Variants in RGS6 observed in about 807,000 individuals in gnomAD.
The protein encoded by RGS6 is regulator of G-protein signaling 6.
Under a neutral mutation model 78.5 loss-of-function variants are expected in RGS6, and 30 were observed. That is an observed-to-expected ratio of 0.38 (90% CI 0.29 to 0.52). RGS6 has a LOEUF of 0.52. Ranked by LOEUF, RGS6 falls within the 20% of genes least tolerant of loss-of-function variation. The probability of loss-of-function intolerance (pLI) is 0.85; values close to 1 mark genes in which losing one functional copy is unlikely to be tolerated. For synonymous variants in RGS6, 206 were observed against 206.0 expected, an observed-to-expected ratio of 1.00 and a Z score of 0.00; for missense variants, 495 against 609.7, an observed-to-expected ratio of 0.81 and a Z score of 1.98.
intron 2 of RGS6, among the ~76,000 whole-genome samples, chr14:72,161,388 T>TA (rs878953450): frequency 1.1e-4 from 17 of 151,802 alleles, no homozygotes; most frequent in South Asian, 6.3e-4. Context: ...AGTATAATAA[T>TA]AAAAAAAAGC....
the RGS6 span, among the ~76,000 whole-genome samples, chr14:72,591,467 T>G: frequency 1.3e-5 from 2 of 152,328 alleles, no homozygotes; most frequent in Non-Finnish European, 2.9e-5. Flanking sequence ...AGAACTAAAT[T>G]TGATCTCTCT....
chr14:72,059,729 C>A (rs2093798743), intron 2 of RGS6, among the ~76,000 whole-genome samples: 1 of 151,978 alleles, frequency 6.6e-6, no homozygotes, highest in Admixed American at 6.6e-5. Flanking sequence ...ATGGTGGGAC[C>A]CTCTTGATGG....
intron 2 of RGS6, among the ~76,000 whole-genome samples, chr14:72,208,936 AAT>A (rs2043351190): frequency 1.0e-3 from 2 of 1,914 alleles, no homozygotes; most frequent in African/African-American, 1.6e-3. Flanking sequence ...TAAGAATATC[AAT>A]GAAATAAGAA....
intron 17 of RGS6, among the ~76,000 whole-genome samples, chr14:72,544,580 CTTGGAA>C (rs889289391): frequency 2.6e-5 from 4 of 152,148 alleles, no homozygotes; most frequent in African/African-American, 7.2e-5. Flanking sequence ...CAAGGTGCTC[CTTGGAA>C]TTGCGGCAGG....
At chr14:72,035,612 T>A (rs949190856) in intron 2 of RGS6, among the ~76,000 whole-genome samples, 1 of 152,176 alleles carries the variant, frequency 6.6e-6, no homozygotes, top group African/African-American at 2.4e-5. Flanking sequence ...ATAAAATTCC[T>A]TCCTAGTATT....
At chr14:72,369,477 C>T (rs550534604) in intron 3 of RGS6, among the ~76,000 whole-genome samples, 70 of 152,242 alleles carry the variant, frequency 4.6e-4, no homozygotes, top group African/African-American at 1.6e-3. Context: ...TGATTTGTTG[C>T]AGCAGCCATA....
the RGS6 span, among the ~76,000 whole-genome samples, chr14:72,578,132 C>T: frequency 6.6e-6 from 1 of 152,210 alleles, no homozygotes; most frequent in South Asian, 2.1e-4. Context: ...CCTGCTCTGA[C>T]CATTAGAACT....
intron 2 of RGS6, among the ~76,000 whole-genome samples, chr14:72,238,078 G>A (rs535521053): frequency 5.8e-4 from 89 of 152,288 alleles, no homozygotes; most frequent in African/African-American, 2.1e-3. Context: ...AAGGGAGCTG[G>A]AAAGGGGATG....
At chr14:72,175,707 G>A (rs923191326) in intron 2 of RGS6, among the ~76,000 whole-genome samples, 3 of 152,208 alleles carry the variant, frequency 2.0e-5, no homozygotes, top group Non-Finnish European at 2.9e-5. Context: ...CCTCAAGGGT[G>A]GGGACTGCGT....
At chr14:72,244,478 G>A (rs1296618097) in intron 2 of RGS6, among the ~76,000 whole-genome samples, 7 of 152,272 alleles carry the variant, frequency 4.6e-5, no homozygotes, top group East Asian at 1.9e-4. Context: ...GAGAAGGGAC[G>A]TGACTGCACC....
intron 2 of RGS6, among the ~76,000 whole-genome samples, chr14:71,995,608 G>C (rs1249417876): frequency 6.6e-6 from 1 of 152,180 alleles, no homozygotes; most frequent in Admixed American, 6.5e-5. Context: ...TCGCCTCATA[G>C]GGGTGTTGAG....
intron 3 of RGS6, among the ~76,000 whole-genome samples, chr14:72,408,979 A>G (rs1274514330): frequency 6.6e-6 from 1 of 152,222 alleles, no homozygotes; most frequent in African/African-American, 2.4e-5. Flanking sequence ...TGTAAAATAG[A>G]AAATGACTCT....
chr14:72,208,515 A>G (rs928796137), intron 2 of RGS6, among the ~76,000 whole-genome samples: 1 of 152,252 alleles, frequency 6.6e-6, no homozygotes, highest in Admixed American at 6.5e-5. Flanking sequence ...ATACCTTAGT[A>G]TAATGGTCTT....
chr14:72,349,170 A>T (rs1209564649), intron 2 of RGS6, among the ~76,000 whole-genome samples: 2 of 152,174 alleles, frequency 1.3e-5, no homozygotes, highest in African/African-American at 4.8e-5. Flanking sequence ...CGTCTCAAAA[A>T]ATATATATAA....
intron 2 of RGS6, among the ~76,000 whole-genome samples, chr14:72,254,455 T>C (rs1441837085): frequency 1.3e-5 from 2 of 152,040 alleles, no homozygotes; most frequent in Non-Finnish European, 1.5e-5. Flanking sequence ...TGAAGCCTCA[T>C]CTGCTGCTTG....
chr14:72,522,695 C>T (rs985970049), intron 15 of RGS6, among the ~76,000 whole-genome samples: 7 of 152,124 alleles, frequency 4.6e-5, no homozygotes, highest in African/African-American at 1.4e-4. Flanking sequence ...TAGTTTTTTT[C>T]AGCCACTTAA....
At chr14:72,408,124 T>A (rs1464747822) in intron 3 of RGS6, among the ~76,000 whole-genome samples, 1 of 152,188 alleles carries the variant, frequency 6.6e-6, no homozygotes, top group East Asian at 1.9e-4. Flanking sequence ...CACTTACTAT[T>A]TAAAGGAAAT....
At chr14:72,576,183 T>G in the RGS6 span, among the ~76,000 whole-genome samples, 1 of 152,250 alleles carries the variant, frequency 6.6e-6, no homozygotes, top group Non-Finnish European at 1.5e-5. Context: ...AGTACAAATT[T>G]TATTCTCCCA....
chr14:72,612,993 CGTGTGTGTGTGTGT>C, the RGS6 span, among the ~76,000 whole-genome samples: 4 of 148,852 alleles, frequency 2.7e-5, no homozygotes, highest in Admixed American at 1.3e-4. Flanking sequence ...TTAAGTAGGG[CGTGTGTGTGTGTGT>C]GTGTGTGTGT....
Sources: gnomAD v4.1 joint callset for allele counts (sites outside exome capture counted in the v4.1 genomes callset) on GRCh38, gnomAD v4.1.1 for gene constraint, MANE v1.5 for transcripts, NCBI Gene and HGNC (gene_info 2026-07-23, HGNC 2026-07-21) for gene names.